The following PRDM15 variants were observed in gnomAD, a reference collection of about 807,000 sequenced individuals.
PRDM15 encodes the protein PR/SET domain 15.
Under a neutral mutation model 128.6 loss-of-function variants are expected in PRDM15, and 64 were observed. That is an observed-to-expected ratio of 0.50 (90% CI 0.41 to 0.61). The LOEUF (loss-of-function observed/expected upper bound fraction) is 0.61, where lower values mean the gene tolerates loss of function less well. Among genes scored for constraint, PRDM15 ranks in the 20% least tolerant of loss-of-function variants. The pLI, the probability that PRDM15 is intolerant of heterozygous loss-of-function variation, is 0.00. For missense variants in PRDM15, 1,242 were observed against 1,569.1 expected, an observed-to-expected ratio of 0.79 and a Z score of 3.52; for synonymous variants, 615 against 621.8, an observed-to-expected ratio of 0.99 and a Z score of 0.16.
rs968834591 is a variant in PRDM15 at position 41,822,036 on chromosome 21, T to C, written c.1763A>G (p.Asp588Gly). The change falls in exon 15 of 24, where the codon GAC becomes GGC. Residue 588 changes from aspartate to glycine, a missense_variant and splice_region_variant. Coordinates refer to ENST00000398548, the MANE Select transcript of PRDM15 (RefSeq NM_001040424.3). ...CTGGTGGTCATCCATCAACGCGATG[T>C]CCTGGAAAACAGCCACCACTTCCGG... ...LRDHIHVHFK[D>G]IALMDDHQRE... 2 of 1,613,958 alleles carry C rather than the reference T, an allele frequency of 1.2e-6. No homozygotes were observed. Among genetic ancestry groups the C allele is most frequent in the South Asian group, 2.2e-5 (2 of 91,086 alleles).
chr21:41,837,908 G>A lies in PRDM15; in HGVS notation c.1001+26C>T, dbSNP rs201108550. On this transcript the variant is annotated intron_variant, in intron 8 of 23. Transcript: ENST00000398548. ...TGCCAGCATTGTCTGTCCACAGGAC[G>A]GCCCCAGGTGCCAGGCAGGACTTAC... 4.3e-5 allele frequency: 69 copies of A among 1,613,764 alleles called. 1 individual carries two copies. The South Asian group carries it at 5.8e-4, about 14-fold the overall frequency.
chr21:41,854,642 C>A lies in PRDM15; in HGVS notation c.462G>T (p.Leu154=). Residue 154 remains leucine (L), a synonymous_variant, in exon 5 of 24, where the codon CTG becomes CTT. Coordinates refer to ENST00000398548, the MANE Select transcript of PRDM15 (RefSeq NM_001040424.3). The surrounding 1 kb of genome is among the most constrained non-coding windows in gnomAD (Gnocchi z 4.6). The stretch of plus-strand genomic sequence containing the variant: ...CATAGAAGGCCGCATACCACACGCG[C>A]AGCTCGGTACCCGGGGGGATGTCTC... ...TSRDIPPGTE[L]RVWYAAFYAK... 1 of 1,613,796 alleles carries A rather than the reference C, an allele frequency of 6.2e-7. No individual in the cohort carries two copies. The highest frequency in any genetic ancestry group is 8.5e-7 in the Non-Finnish European group (1 of 1,179,984).
chr21:41,876,373 C>T (rs143161707), intron 1 of PRDM15, among the ~76,000 whole-genome samples: 241 of 152,248 alleles, frequency 1.6e-3, no homozygotes, highest in African/African-American at 4.7e-3. Context: ...AATAAGGAGA[C>T]GGGAGCAGAA....
chr21:41,820,082 G>C lies in PRDM15; in HGVS notation c.2140+13C>G. The C allele has an allele frequency of 6.2e-7, 1 of 1,612,480 alleles. No individual in the cohort carries two copies. Among genetic ancestry groups the C allele is most frequent in the Non-Finnish European group, 8.5e-7 (1 of 1,178,802 alleles). ...AGCGAGGGCCGGGACCCCAAATGCTGACAGACACGCACCTGTGTGGATGAG... is the reference window on the plus strand; with the variant it reads ...AGCGAGGGCCGGGACCCCAAATGCTCACAGACACGCACCTGTGTGGATGAG... On this transcript the variant is annotated intron_variant, in intron 17 of 23. Transcript: ENST00000398548.
At chr21:41,871,771 C>T in intron 1 of PRDM15, 1 of 822,820 alleles carries the variant, frequency 1.2e-6, no homozygotes, top group Non-Finnish European at 1.8e-6. Flanking sequence ...GTTGCTGCTC[C>T]TCCAGACCTG....
intron 1 of PRDM15, among the ~76,000 whole-genome samples, chr21:41,860,642 C>T (rs536359544): frequency 2.0e-5 from 3 of 152,190 alleles, no homozygotes; most frequent in South Asian, 4.2e-4. Flanking sequence ...AGGCTGGTCT[C>T]GATCTCTTGA....
chr21:41,808,381 G>A (rs551999489), intron 21 of PRDM15, among the ~76,000 whole-genome samples: 1 of 152,350 alleles, frequency 6.6e-6, no homozygotes, highest in South Asian at 2.1e-4. Flanking sequence ...CGGTCCCCTG[G>A]CTTCCCGGAC....
At chr21:41,865,555 T>A (rs1394220297) in intron 1 of PRDM15, among the ~76,000 whole-genome samples, 1 of 152,110 alleles carries the variant, frequency 6.6e-6, no homozygotes, top group Non-Finnish European at 1.5e-5. Context: ...GCACAGCCAC[T>A]TCCCCTCAGT....
At position 41,821,675 on chromosome 21, in the gene PRDM15, G is replaced by A. The variant is rs983258422; in HGVS notation, c.1896+228C>T. Among the ~76,000 whole-genome samples the A allele has an allele frequency of 6.6e-6, 1 of 152,356 alleles. No individual in the cohort carries two copies. The highest frequency in any genetic ancestry group is 6.5e-5 in the Admixed American group (1 of 15,312). ...AGGCAAGTTCCTGGAGGGCGCCTGT[G>A]AGACCCACACAGACCGTCCCTGAGC... On this transcript the variant is annotated intron_variant, in intron 15 of 23. Transcript: ENST00000398548. This position sits in a 1 kb window ranked among gnomAD's most constrained non-coding sequence, Gnocchi z 5.4.
Position 41,820,116 on chromosome 21 carries a change from G to C in PRDM15, c.2119C>G (p.Arg707Gly). The C allele has an allele frequency of 6.2e-7, 1 of 1,613,782 alleles. No individual in the cohort carries two copies. Among genetic ancestry groups the C allele is most frequent in the Non-Finnish European group, 8.5e-7 (1 of 1,179,838 alleles). Residue 707 changes from arginine to glycine, a missense_variant, in exon 17 of 24, where the codon CGC becomes GGC. Transcript: ENST00000398548. ...RIFNSIGNLE[R>G]HKLIHTGVKS... ...GCACCTGTGTGGATGAGCTTGTGGC[G>C]CTCCAGGTTCCCGATGCTGTTGAAG... is the stretch of plus-strand genomic sequence containing the variant.
chr21:41,809,243 T>TC (rs2146259599), intron 21 of PRDM15, among the ~76,000 whole-genome samples: 1 of 151,250 alleles, frequency 6.6e-6, no homozygotes, highest in East Asian at 1.9e-4. Context: ...TCTTTTTTTT[T>TC]TTTTTTTGAG....
intron 11 of PRDM15, among the ~76,000 whole-genome samples, chr21:41,833,926 G>A (rs780823293): frequency 6.6e-6 from 1 of 152,226 alleles, no homozygotes; most frequent in Non-Finnish European, 1.5e-5. Flanking sequence ...ACCCTCGCCT[G>A]CTACACTCCT....
In PRDM15 at chr21:41,803,468, C is replaced by T. The variant is rs559092482; in HGVS notation, c.2734-547G>A. 4.6e-5 allele frequency among the ~76,000 whole-genome samples: 7 copies of T among 152,382 alleles called. No homozygotes were observed. The East Asian group carries it at 1.3e-3, about 29-fold the overall frequency. ...GGACACTGCTGGGCTGTGACCACAT[C>T]CTCTGAACCGGGCCGGCTCACCAGG... On this transcript the variant is annotated intron_variant, in intron 22 of 23. Coordinates refer to ENST00000398548, the MANE Select transcript of PRDM15 (RefSeq NM_001040424.3).
intron 1 of PRDM15, among the ~76,000 whole-genome samples, chr21:41,869,406 G>C (rs1009208132): frequency 1.3e-5 from 2 of 151,214 alleles, no homozygotes; most frequent in Admixed American, 6.6e-5. Flanking sequence ...TCAGCCTTCC[G>C]AGTTGTTAGA....
intron 1 of PRDM15, among the ~76,000 whole-genome samples, chr21:41,868,320 T>C (rs2064086850): frequency 6.6e-6 from 1 of 152,226 alleles, no homozygotes; most frequent in Non-Finnish European, 1.5e-5. Flanking sequence ...TTTTTGTACA[T>C]ACGTTTTCAT....
chr21:41,832,622 C>T lies in PRDM15; in HGVS notation c.1366+2815G>A, dbSNP rs71318597. Among the ~76,000 whole-genome samples the T allele has an allele frequency of 7.0e-3, 1,072 of 152,234 alleles. 6 individuals carry two copies. Among genetic ancestry groups the T allele is most frequent in the Middle Eastern group, 0.017 (5 of 294 alleles). On this transcript the variant is annotated intron_variant, in intron 11 of 23. Transcript: ENST00000398548. The surrounding 1 kb of genome is among the most constrained non-coding windows in gnomAD (Gnocchi z 4.2). Reference sequence around the variant, plus strand: ...CCTCCCAGCCAGGCACTAAAGAGCACAGGTGAGCCTCCCTCCCGGGCAGGT... The same window carrying T: ...CCTCCCAGCCAGGCACTAAAGAGCATAGGTGAGCCTCCCTCCCGGGCAGGT...
At chr21:41,843,517 G>C (rs1321411049) in intron 6 of PRDM15, among the ~76,000 whole-genome samples, 2 of 152,146 alleles carry the variant, frequency 1.3e-5, no homozygotes, top group African/African-American at 2.4e-5. Flanking sequence ...AAACATCCTT[G>C]TGATGTTTCG....
intron 1 of PRDM15, among the ~76,000 whole-genome samples, chr21:41,865,560 C>T (rs969595042): frequency 2.0e-5 from 3 of 152,168 alleles, no homozygotes; most frequent in Non-Finnish European, 4.4e-5. Flanking sequence ...GCCACTTCCC[C>T]TCAGTCCACC....
chr21:41,873,024 C>T (rs1290752786), intron 1 of PRDM15, among the ~76,000 whole-genome samples: 2 of 152,114 alleles, frequency 1.3e-5, no homozygotes, highest in African/African-American at 4.8e-5. Flanking sequence ...GATTGCGTCT[C>T]CTTACAGTTT....
Sources: gnomAD v4.1 joint callset for allele counts (sites outside exome capture counted in the v4.1 genomes callset) on GRCh38, gnomAD v4.1.1 for gene constraint, Gnocchi (gnomAD v3.1) non-coding constraint, MANE v1.5 for transcripts, NCBI Gene and HGNC (gene_info 2026-07-23, HGNC 2026-07-21) for gene names.